The following RPE variants were observed in gnomAD, a reference collection of about 807,000 sequenced individuals.
RPE encodes ribulose-phosphate 3-epimerase.
In RPE, 16 loss-of-function variants were observed where a neutral mutation model predicts 24.6. The ratio of observed to expected loss-of-function variants is 0.65; its 90% CI spans 0.44 to 0.99. The LOEUF is 0.99. Among genes scored for constraint, RPE ranks in the 50% least tolerant of loss-of-function variants. The pLI is 0.00. For missense variants in RPE, 240 were observed against 294.5 expected (o/e 0.81, Z 1.35); for synonymous variants, 93 against 98.4 (o/e 0.94, Z 0.33).
chr2:210,009,423 G>A (rs985907039), intron 1 of RPE, among the ~76,000 whole-genome samples: 72 of 152,200 alleles, frequency 4.7e-4, no homozygotes, highest in African/African-American at 1.7e-3. Context: ...CGTGAATTAC[G>A]GAGTCAAATC....
At chr2:210,013,214 G>C (rs556238885) in intron 2 of RPE, among the ~76,000 whole-genome samples, 1 of 152,206 alleles carries the variant, frequency 6.6e-6, no homozygotes, top group Admixed American at 6.5e-5. Context: ...CAGAACAGAT[G>C]TGAGAATATA....
Position 210,009,642 on chromosome 2 carries a change from T to G in RPE, c.123-15T>G. 6.2e-7 allele frequency: 1 copy of G among 1,614,144 alleles called. No individual in the cohort carries two copies. Among genetic ancestry groups the G allele is most frequent in the Non-Finnish European group, 8.5e-7 (1 of 1,179,988 alleles). On this transcript the variant is annotated splice_polypyrimidine_tract_variant and intron_variant, in intron 1 of 5. Coordinates refer to ENST00000359429, the MANE Select transcript of RPE (RefSeq NM_199229.3). ...ATTGAAAACATTTTCAGAGTAGATT[T>G]TGTTTGTCTTGTAGGCATTTTGTTC...
At chr2:210,013,113 AGAGAT>A (rs563177259) in intron 2 of RPE, among the ~76,000 whole-genome samples, 156 of 152,330 alleles carry the variant, frequency 1.0e-3, no homozygotes, top group African/African-American at 3.1e-3. Flanking sequence ...AAATGCAGTT[AGAGAT>A]AACAGTATTT....
At chr2:210,008,631 CA>C (rs1183641514) in intron 1 of RPE, among the ~76,000 whole-genome samples, 1 of 151,346 alleles carries the variant, frequency 6.6e-6, no homozygotes, top group East Asian at 2.0e-4. Flanking sequence ...AGTGATAGAA[CA>C]AAAAGATTAA....
intron 5 of RPE, 42 bp from the exon 6 acceptor site, chr2:210,019,627 C>A: frequency 6.3e-7 from 1 of 1,596,376 alleles, no homozygotes; most frequent in Non-Finnish European, 8.5e-7. Flanking sequence ...GGTTTTTCTA[C>A]ATTTTCCTTT....
rs560967190 is a variant in RPE, at chr2:210,018,376, G to A, written c.564+817G>A. The A allele has an allele frequency of 5.4e-4, 536 of 983,624 alleles. 1 individual carries two copies. The highest frequency in any genetic ancestry group is 6.1e-4 in the Non-Finnish European group (508 of 829,140). The allele number at this position is 983,624 out of a possible 1,614,324, so 60.9% of individuals were successfully genotyped here. A position where few individuals can be genotyped will look rare whatever the true frequency, so the allele number is the denominator to read the frequency against. On this transcript the variant is annotated intron_variant, in intron 5 of 5. Transcript: ENST00000359429. ...TGATACCTCTTTGGCTATCTGTATA[G>A]AAGTAAAAACTTTTTTTTACTTTTT...
At chr2:210,002,863 A>G (rs1176099283) in intron 1 of RPE, 80 bp downstream of exon 1, 12 of 1,609,280 alleles carry the variant, frequency 7.5e-6, no homozygotes, top group Non-Finnish European at 1.0e-5. Context: ...TGTTGGATGT[A>G]CCGCGTCCCT....
At chr2:210,018,991 T>A (rs2093818259) in intron 5 of RPE, among the ~76,000 whole-genome samples, 1 of 152,228 alleles carries the variant, frequency 6.6e-6, no homozygotes, top group Non-Finnish European at 1.5e-5. Flanking sequence ...GTTCTAGCAA[T>A]GAATCACAAA....
chr2:210,013,887 G>A (rs570449022), intron 2 of RPE, among the ~76,000 whole-genome samples: 1 of 152,156 alleles, frequency 6.6e-6, no homozygotes, highest in South Asian at 2.1e-4. Flanking sequence ...ATGAATAATA[G>A]ATTATGATTA....
In RPE at chr2:210,019,743, A is replaced by G; in HGVS notation, c.639A>G (p.Leu213=). 6.2e-7 allele frequency: 1 copy of G among 1,613,468 alleles called. No individual in the cohort carries two copies. The change falls in exon 6 of 6, where the codon TTA becomes TTG. Residue 213 remains leucine, a synonymous_variant. Coordinates refer to ENST00000359429, the MANE Select transcript of RPE (RefSeq NM_199229.3). ...ACCCCAGATCTGTGATCAATCTATT[A>G]AGAAATGTTTGCTCAGAAGCTGCTC... is the stretch of plus-strand genomic sequence containing the variant. The part of the protein sequence containing the change: ...SEDPRSVINL[L]RNVCSEAAQK...
chr2:210,012,415 A>G (rs768436523), intron 2 of RPE, among the ~76,000 whole-genome samples: 1 of 152,256 alleles, frequency 6.6e-6, no homozygotes, highest in African/African-American at 2.4e-5. Context: ...TGCATTTGCA[A>G]TAAATATCCT....
intron 5 of RPE, 133 bp from the exon 6 acceptor site, chr2:210,019,536 C>T (rs554385736): frequency 1.9e-6 from 2 of 1,076,922 alleles, no homozygotes; most frequent in East Asian, 2.6e-5. Flanking sequence ...CTTAAGTCTG[C>T]TTAATCTCAA....
intron 5 of RPE, among the ~76,000 whole-genome samples, chr2:210,018,860 A>G (rs763948971): frequency 2.6e-5 from 4 of 152,310 alleles, no homozygotes; most frequent in Middle Eastern, 3.4e-3. Context: ...TGTTAACCCT[A>G]TAAAACTCAC....
rs1302930881 is a variant in RPE, at chr2:210,016,040, G to A, written c.270G>A (p.Gln90=). The A allele has an allele frequency of 6.2e-7, 1 of 1,614,106 alleles. No individual in the cohort carries two copies. Among genetic ancestry groups the A allele is most frequent in the Admixed American group, 1.7e-5 (1 of 60,008 alleles). The change falls in exon 3 of 6, where the codon CAG becomes CAA. Residue 90 remains glutamine, a synonymous_variant. Coordinates refer to ENST00000359429, the MANE Select transcript of RPE (RefSeq NM_199229.3). ...VKPMAVAGAN[Q]YTFHLEATEN... is the part of the protein sequence containing the mutation. ...CAATGGCTGTAGCAGGAGCCAATCA[G>A]TACACCTTTCATCTCGAGGCTACTG...
intron 2 of RPE, among the ~76,000 whole-genome samples, chr2:210,015,225 T>TGG (rs1368427866): frequency 1.3e-5 from 2 of 152,238 alleles, no homozygotes; most frequent in Non-Finnish European, 2.9e-5. Flanking sequence ...CAGCTCTCTT[T>TGG]GCTCTTATTT....
intron 4 of RPE, 48 bp from the exon 5 acceptor site, chr2:210,017,425 C>CCCCAA: frequency 9.1e-7 from 1 of 1,104,252 alleles, no homozygotes; most frequent in Non-Finnish European, 1.3e-6. Context: ...CCACCCCCAC[C>CCCCAA]AACATACCCA....
At chr2:210,009,297 G>A (rs1044531711) in intron 1 of RPE, among the ~76,000 whole-genome samples, 1 of 152,154 alleles carries the variant, frequency 6.6e-6, no homozygotes, top group Admixed American at 6.5e-5. Flanking sequence ...GATAGACTAG[G>A]ATTCAGGAGA....
At chr2:210,009,597 G>A in intron 1 of RPE, 60 bp from the exon 2 acceptor site, 1 of 1,598,484 alleles carries the variant, frequency 6.3e-7, no homozygotes, top group Non-Finnish European at 8.6e-7. Flanking sequence ...AATTCATATT[G>A]AGAGAGATAC....
intron 3 of RPE, 135 bp from the exon 4 acceptor site, chr2:210,016,372 G>A: frequency 1.3e-6 from 2 of 1,561,592 alleles, no homozygotes; most frequent in Non-Finnish European, 1.7e-6. Context: ...ACTGCTTGTT[G>A]AAAATACTTA....
Sources: allele counts gnomAD v4.1 joint callset (sites outside exome capture counted in the v4.1 genomes callset), GRCh38; gene constraint gnomAD v4.1.1; transcripts MANE v1.5; gene names NCBI Gene and HGNC (gene_info 2026-07-23, HGNC 2026-07-21).